Variants in GATA4 observed in about 807,000 individuals in gnomAD.
The protein encoded by GATA4 is transcription factor GATA-4.
GATA4 carries 7 observed loss-of-function variants against 37.9 expected under a neutral mutation model. The observed-to-expected ratio is 0.18, with a 90% confidence interval of 0.11 to 0.35. The LOEUF (loss-of-function observed/expected upper bound fraction) is 0.35, where lower values mean the gene tolerates loss of function less well. Among genes scored for constraint, GATA4 ranks in the 10% least tolerant of loss-of-function variants. The pLI, the probability that GATA4 is intolerant of heterozygous loss-of-function variation, is 1.00. For synonymous variants in GATA4, 372 were observed against 292.6 expected, an observed-to-expected ratio of 1.27 and a Z score of -2.77; for missense variants, 647 against 653.0, an observed-to-expected ratio of 0.99 and a Z score of 0.10.
chr8:11,694,482 A>G (rs1046817179), intron 1 of GATA4: 47 of 985,218 alleles, frequency 4.8e-5, no homozygotes, highest in Non-Finnish European at 5.7e-5. Flanking sequence ...CGAGCCGTGG[A>G]CTGCATCCTC....
chr8:11,679,868 A>T (rs1316720988), intron 1 of GATA4, among the ~76,000 whole-genome samples: 4 of 152,244 alleles, frequency 2.6e-5, no homozygotes, highest in African/African-American at 9.6e-5. Flanking sequence ...GAAAATGAGG[A>T]AGAGGGTAAC....
chr8:11,749,095 T>G lies in GATA4; in HGVS notation c.786+10T>G, dbSNP rs370392264. The G allele has an allele frequency of 1.9e-6, 3 of 1,613,764 alleles. No individual in the cohort carries two copies. Among genetic ancestry groups the G allele is most frequent in the Admixed American group, 3.3e-5 (2 of 59,974 alleles). ...GCCTCAGCGCCGGCTGGTAAGCACG[T>G]GCCTCGCAGCCTCCTCTGGGCACCT... On this transcript the variant is annotated intron_variant, in intron 3 of 6. Coordinates refer to ENST00000532059, the MANE Select transcript of GATA4 (RefSeq NM_001308093.3). This position sits in a 1 kb window ranked among gnomAD's most constrained non-coding sequence, Gnocchi z 4.6.
At chr8:11,680,258 G>T (rs980935063) in intron 1 of GATA4, among the ~76,000 whole-genome samples, 3 of 152,260 alleles carry the variant, frequency 2.0e-5, no homozygotes, top group African/African-American at 4.8e-5. Flanking sequence ...GCAGGCGGGA[G>T]ACCAGGCGGT....
At chr8:11,741,458 G>A (rs1325100969) in intron 2 of GATA4, among the ~76,000 whole-genome samples, 3 of 151,658 alleles carry the variant, frequency 2.0e-5, no homozygotes, top group Admixed American at 6.6e-5. Flanking sequence ...CAGCCTGGGT[G>A]ACAGAGCAAG....
At chr8:11,692,047 C>T (rs142738155), upstream of GATA4, 90 of 985,332 alleles carry the variant, frequency 9.1e-5, no homozygotes, top group African/African-American at 1.5e-3. Flanking sequence ...ACCTTAGTGT[C>T]ACCAACAGAG....
At chr8:11,755,376 C>G (rs1802504835) in intron 5 of GATA4, among the ~76,000 whole-genome samples, 1 of 152,218 alleles carries the variant, frequency 6.6e-6, no homozygotes, top group Non-Finnish European at 1.5e-5. Flanking sequence ...TTGCCGACTG[C>G]AAAGACCCAG....
chr8:11,717,538 A>T (rs904809846), intron 2 of GATA4, among the ~76,000 whole-genome samples: 8 of 152,174 alleles, frequency 5.3e-5, no homozygotes, highest in African/African-American at 1.9e-4. Flanking sequence ...AACCCAGGTA[A>T]GTCCAACCTG....
At chr8:11,680,492 A>G in intron 1 of GATA4, 1 of 985,430 alleles carries the variant, frequency 1.0e-6, no homozygotes, top group Non-Finnish European at 1.2e-6. Context: ...CATTTCGATC[A>G]ATCTGGCGCC....
chr8:11,758,559 C>A lies in GATA4; in HGVS notation c.*84C>A. On this transcript the variant is annotated 3_prime_UTR_variant, in exon 7 of 7. Coordinates refer to ENST00000532059, the MANE Select transcript of GATA4 (RefSeq NM_001308093.3). ...AAGGAGGCCCTGGGCTCCCAGGGGC[C>A]GGCCTCCTCTGCCTGGTAATGACTC... 7.4e-7 allele frequency: 1 copy of A among 1,351,190 alleles called. No individual in the cohort carries two copies. 83.7% of individuals were successfully genotyped at this position (1,351,190 alleles called of 1,614,324 possible). A position where few individuals can be genotyped will look rare whatever the true frequency, so the allele number is the denominator to read the frequency against.
intron 1 of GATA4, among the ~76,000 whole-genome samples, chr8:11,695,304 G>C (rs1294523161): frequency 6.6e-6 from 1 of 152,150 alleles, no homozygotes; most frequent in African/African-American, 2.4e-5. Context: ...AACTTGGGAG[G>C]CTGAGGCAGG....
intron 2 of GATA4, among the ~76,000 whole-genome samples, chr8:11,744,768 T>G (rs1801947956): frequency 6.6e-6 from 1 of 152,188 alleles, no homozygotes; most frequent in Non-Finnish European, 1.5e-5. Flanking sequence ...AGGTTGACTA[T>G]TGGATGTCTT....
intron 1 of GATA4, chr8:11,694,504 C>G: frequency 1.0e-6 from 1 of 985,308 alleles, no homozygotes; most frequent in East Asian, 1.1e-4. Context: ...TCACTTCTTT[C>G]CCTTGCCACC....
intron 2 of GATA4, among the ~76,000 whole-genome samples, chr8:11,740,176 C>A (rs1463223785): frequency 6.6e-6 from 1 of 152,190 alleles, no homozygotes; most frequent in African/African-American, 2.4e-5. Flanking sequence ...TGGCCTCTTT[C>A]CTGGCATGCT....
chr8:11,724,234 G>A (rs141649047), intron 2 of GATA4, among the ~76,000 whole-genome samples: 38 of 152,124 alleles, frequency 2.5e-4, no homozygotes, highest in East Asian at 1.4e-3. Context: ...ATTGGGTTGC[G>A]TCTGCCCATT....
In GATA4 at chr8:11,758,494, C is replaced by G. The variant is rs781050594; in HGVS notation, c.*19C>G. 6.2e-7 allele frequency: 1 copy of G among 1,613,722 alleles called. No individual in the cohort carries two copies. Among genetic ancestry groups the G allele is most frequent in the South Asian group, 1.1e-5 (1 of 91,072 alleles). On this transcript the variant is annotated 3_prime_UTR_variant, in exon 7 of 7. Transcript: ENST00000532059. ...TGCGTAATCTTCCCTCTTCCCTCCT[C>G]AAATTCCTGCACGGACCTGGGACTT...
In GATA4 at chr8:11,749,539, G is replaced by A. The variant is rs3779664; in HGVS notation, c.786+454G>A. ...CCAGAAGTGCAAGCAGCTTGTGTTG[G>A]GCCCCGTGGCTAGGGAAGAGTTTGG... is the stretch of plus-strand genomic sequence containing the variant. On this transcript the variant is annotated intron_variant, in intron 3 of 6. Transcript: ENST00000532059. The surrounding 1 kb of genome is among the most constrained non-coding windows in gnomAD (Gnocchi z 4.6). Among the ~76,000 whole-genome samples, 21,178 of 152,142 alleles carry A rather than the reference G, an allele frequency of 0.14. 1,816 individuals carry two copies. The highest frequency in any genetic ancestry group is 0.28 in the South Asian group (1,342 of 4,824).
At chr8:11,713,403 A>G (rs1800286804) in intron 2 of GATA4, among the ~76,000 whole-genome samples, 1 of 152,118 alleles carries the variant, frequency 6.6e-6, no homozygotes, top group Non-Finnish European at 1.5e-5. Flanking sequence ...TTGCGTAGGG[A>G]TCTTGGTGGT....
intron 1 of GATA4, among the ~76,000 whole-genome samples, chr8:11,683,393 G>A (rs1020177892): frequency 6.6e-6 from 1 of 152,152 alleles, no homozygotes; most frequent in Non-Finnish European, 1.5e-5. Context: ...CATTGTGACT[G>A]TTAGGAAGTA....
At chr8:11,686,940 G>C (rs947167283) in intron 1 of GATA4, among the ~76,000 whole-genome samples, 8 of 151,852 alleles carry the variant, frequency 5.3e-5, no homozygotes, top group Non-Finnish European at 1.0e-4. Context: ...GGAGGTTGCA[G>C]TGAAGCGAGA....
Sources: allele counts gnomAD v4.1 joint callset (sites outside exome capture counted in the v4.1 genomes callset), GRCh38; gene constraint gnomAD v4.1.1; non-coding constraint Gnocchi (gnomAD v3.1); transcripts MANE v1.5; gene names NCBI Gene and HGNC (gene_info 2026-07-23, HGNC 2026-07-21).